MARCHF1: variants seen among roughly 807,000 people sequenced by gnomAD.
MARCHF1 encodes membrane associated ring-CH-type finger 1.
Under a neutral mutation model 54.2 loss-of-function variants are expected in MARCHF1, and 40 were observed. The observed-to-expected ratio is 0.74, with a 90% CI of 0.57 to 0.96. The LOEUF (loss-of-function observed/expected upper bound fraction) is 0.96. Among genes scored for constraint, MARCHF1 ranks in the 40% least tolerant of loss-of-function variants. MARCHF1 has a pLI of 0.00. For missense variants in MARCHF1, 586 were observed against 656.5 expected, an observed-to-expected ratio of 0.89 and a Z score of 1.17; for synonymous variants, 236 against 236.3, an observed-to-expected ratio of 1.00 and a Z score of 0.01.
chr4:163,884,089 G>A (rs1750478426), intron 3 of MARCHF1, among the ~76,000 whole-genome samples: 1 of 152,078 alleles, frequency 6.6e-6, no homozygotes, highest in Non-Finnish European at 1.5e-5. Flanking sequence ...CTGGAAACTG[G>A]TTTCTGAGCA....
At chr4:163,707,401 G>A (rs893027538) in intron 4 of MARCHF1, among the ~76,000 whole-genome samples, 3 of 152,034 alleles carry the variant, frequency 2.0e-5, no homozygotes, top group African/African-American at 7.2e-5. Context: ...AAATGAGCAA[G>A]AGATAGAAAC....
At chr4:164,291,670 A>C (rs555118988) in intron 1 of MARCHF1, among the ~76,000 whole-genome samples, 1 of 152,216 alleles carries the variant, frequency 6.6e-6, no homozygotes, top group South Asian at 2.1e-4. Flanking sequence ...CCTGTACAGC[A>C]TATTTCTGTA....
intron 4 of MARCHF1, among the ~76,000 whole-genome samples, chr4:163,715,844 C>T (rs912921360): frequency 2.0e-5 from 3 of 152,012 alleles, no homozygotes; most frequent in South Asian, 2.1e-4. Context: ...TTTTAAAAAA[C>T]GTAATGAATT....
At chr4:164,364,396 T>C (rs180899307) in intron 1 of MARCHF1, among the ~76,000 whole-genome samples, 1 of 152,028 alleles carries the variant, frequency 6.6e-6, no homozygotes, top group Non-Finnish European at 1.5e-5. Flanking sequence ...ATTTTGTGAG[T>C]TGTAGTGGTA....
chr4:164,001,285 A>G (rs1198897727), intron 2 of MARCHF1, among the ~76,000 whole-genome samples: 1 of 151,808 alleles, frequency 6.6e-6, no homozygotes, highest in African/African-American at 2.4e-5. Context: ...GTTAGATTAG[A>G]TAAGTGTAAA....
At chr4:163,711,017 A>G (rs958201903) in intron 4 of MARCHF1, among the ~76,000 whole-genome samples, 29 of 151,960 alleles carry the variant, frequency 1.9e-4, no homozygotes, top group Non-Finnish European at 2.9e-4. Flanking sequence ...AGAACAAAAA[A>G]CTTGCCACAC....
intron 3 of MARCHF1, among the ~76,000 whole-genome samples, chr4:163,854,384 G>A (rs1030760397): frequency 6.6e-6 from 1 of 151,956 alleles, no homozygotes; most frequent in Non-Finnish European, 1.5e-5. Flanking sequence ...CTTTTCAAAG[G>A]GCCTAACATC....
chr4:164,149,126 T>A (rs1488926242), intron 1 of MARCHF1, among the ~76,000 whole-genome samples: 1 of 152,184 alleles, frequency 6.6e-6, no homozygotes, highest in Non-Finnish European at 1.5e-5. Flanking sequence ...CCTCTTGTCA[T>A]GTGATATGCC....
intron 1 of MARCHF1, among the ~76,000 whole-genome samples, chr4:164,175,576 A>G (rs1426850976): frequency 6.6e-6 from 1 of 152,214 alleles, no homozygotes; most frequent in East Asian, 1.9e-4. Flanking sequence ...TGTAGATGTG[A>G]TTGACATTTA....
chr4:163,726,284 C>T (rs558652860), intron 4 of MARCHF1, among the ~76,000 whole-genome samples: 1 of 152,280 alleles, frequency 6.6e-6, no homozygotes, highest in African/African-American at 2.4e-5. Context: ...ATCCCTCTCT[C>T]CCCAACCTCT....
At chr4:164,099,948 A>G (rs1325866901) in intron 2 of MARCHF1, among the ~76,000 whole-genome samples, 4 of 152,222 alleles carry the variant, frequency 2.6e-5, no homozygotes, top group African/African-American at 9.6e-5. Context: ...CAAAGAAAAC[A>G]GCCACAGCTC....
intron 5 of MARCHF1, among the ~76,000 whole-genome samples, chr4:163,618,356 G>A (rs80316058): frequency 0.028 from 4,230 of 152,074 alleles, 138 homozygotes; most frequent in East Asian, 0.073. Context: ...AAGTTAATAC[G>A]CCCGAGGACA....
rs182554546 is a variant in MARCHF1, at chr4:164,218,799, T to C, written c.-322-107137A>G. 3.7e-3 allele frequency among the ~76,000 whole-genome samples: 559 copies of C among 149,828 alleles called. 3 individuals are homozygous for C. Among genetic ancestry groups the C allele is most frequent in the African/African-American group, 0.013 (518 of 40,562 alleles). On this transcript the variant is annotated intron_variant, in intron 1 of 9. Transcript: ENST00000514618. ...CACCAACATGGGACATGTATACATA[T>C]GTAACAAACCTGCATGTTGTGCACA...
At chr4:164,198,047 TTTTTAC>T (rs1731331087) in intron 1 of MARCHF1, among the ~76,000 whole-genome samples, 1 of 152,192 alleles carries the variant, frequency 6.6e-6, no homozygotes, top group Admixed American at 6.5e-5. Flanking sequence ...CCCATTTTTC[TTTTTAC>T]TTTTAGAGAC....
chr4:164,004,416 A>G (rs1372345264), intron 2 of MARCHF1, among the ~76,000 whole-genome samples: 1 of 152,178 alleles, frequency 6.6e-6, no homozygotes, highest in African/African-American at 2.4e-5. Flanking sequence ...AAGTAGAAGT[A>G]AACTAATCTA....
chr4:163,767,988 G>A (rs1379710847), intron 4 of MARCHF1, among the ~76,000 whole-genome samples: 1 of 152,092 alleles, frequency 6.6e-6, no homozygotes, highest in African/African-American at 2.4e-5. Context: ...CAGCTTGAGG[G>A]TCTCTGTACA....
At chr4:163,563,647 T>TTAA (rs1205623612) in intron 8 of MARCHF1, among the ~76,000 whole-genome samples, 5 of 152,272 alleles carry the variant, frequency 3.3e-5, no homozygotes, top group African/African-American at 9.6e-5. Context: ...CCTCAGAAGA[T>TTAA]TTATTTAGTC....
At chr4:163,720,210 C>T (rs142843683) in intron 4 of MARCHF1, among the ~76,000 whole-genome samples, 2,278 of 152,036 alleles carry the variant, frequency 0.015, 57 homozygotes, top group African/African-American at 0.053. Context: ...TTGTGTAAGA[C>T]GTAAGGAAGG....
intron 2 of MARCHF1, chr4:164,055,210 G>A (rs1754463176): frequency 6.6e-6 from 1 of 152,176 alleles, no homozygotes; most frequent in Non-Finnish European, 1.5e-5. Flanking sequence ...TCGGGAAACT[G>A]AGGTAGGTGG....
Sources: allele counts gnomAD v4.1 joint callset (sites outside exome capture counted in the v4.1 genomes callset), GRCh38; gene constraint gnomAD v4.1.1; transcripts MANE v1.5; gene names NCBI Gene and HGNC (gene_info 2026-07-23, HGNC 2026-07-21).